The following RPAP2 variants were observed in gnomAD, a reference collection of about 807,000 sequenced individuals.
RPAP2 encodes the protein putative RNA polymerase II subunit B1 CTD phosphatase RPAP2.
Under a neutral mutation model 73.1 loss-of-function variants are expected in RPAP2, and 52 were observed. That is an observed-to-expected ratio of 0.71 (90% CI 0.57 to 0.90). The LOEUF (loss-of-function observed/expected upper bound fraction) is 0.90. RPAP2 is among the 40% of genes least tolerant of loss of function. The pLI, the probability that RPAP2 is intolerant of heterozygous loss-of-function variation, is 0.00. For missense variants in RPAP2, 598 were observed against 701.8 expected, an observed-to-expected ratio of 0.85 and a Z score of 1.67; for synonymous variants, 225 against 242.1, an observed-to-expected ratio of 0.93 and a Z score of 0.65.
chr1:92,343,277 AT>A (rs1395349411), intron 10 of RPAP2, among the ~76,000 whole-genome samples: 1 of 152,156 alleles, frequency 6.6e-6, no homozygotes, highest in African/African-American at 2.4e-5. Context: ...TGTCCGTTGG[AT>A]TTGGCAGTAT....
In RPAP2 at chr1:92,326,710, G is replaced by A. The variant is rs536387520; in HGVS notation, c.1455+2335G>A. Among the ~76,000 whole-genome samples the A allele has an allele frequency of 7.7e-4, 118 of 152,338 alleles. 1 individual carries two copies. Among genetic ancestry groups the A allele is most frequent in the African/African-American group, 2.3e-3 (96 of 41,582 alleles). The stretch of plus-strand genomic sequence containing the variant: ...GGAAGATTATGGCTGCCTCTGCTGT[G>A]TCATGCAGGTTGTCAGGGAAGTGGG... On this transcript the variant is annotated intron_variant, in intron 8 of 12. Transcript: ENST00000610020.
Position 92,391,811 on chromosome 1 carries a change from C to T in RPAP2, c.*4800C>T, listed in dbSNP as rs1341943002. The T allele has an allele frequency of 6.6e-6, 1 of 152,146 alleles. No individual in the cohort carries two copies. Among genetic ancestry groups the T allele is most frequent in the African/African-American group, 2.4e-5 (1 of 41,410 alleles). The allele number at this position is 152,146 out of a possible 1,614,324, so 9.4% of individuals were successfully genotyped here. A position where few individuals can be genotyped will look rare whatever the true frequency, so the allele number is the denominator to read the frequency against. ...AAATGGATAAATTCCTCGACACATA[C>T]ACCCTCCCAAGACTAAACCAGGAAG... On this transcript the variant is annotated 3_prime_UTR_variant, in exon 13 of 13. Transcript: ENST00000610020.
At chr1:92,369,399 A>G (rs547126932) in intron 11 of RPAP2, among the ~76,000 whole-genome samples, 1 of 152,268 alleles carries the variant, frequency 6.6e-6, no homozygotes, top group Non-Finnish European at 1.5e-5. Context: ...TCAAGTTTAC[A>G]AGTTGTGGGA....
intron 11 of RPAP2, among the ~76,000 whole-genome samples, chr1:92,352,441 G>C (rs1654267163): frequency 3.6e-5 from 2 of 55,756 alleles, no homozygotes; most frequent in African/African-American, 2.2e-4. Context: ...TTTTGCCTCA[G>C]CAGGCTGTTT....
intron 11 of RPAP2, among the ~76,000 whole-genome samples, chr1:92,373,862 T>G (rs1018010945): frequency 4.0e-5 from 6 of 149,190 alleles, no homozygotes; most frequent in Non-Finnish European, 8.9e-5. Context: ...GAGGTTGCAG[T>G]GAGCAGAGAT....
chr1:92,366,833 G>C (rs1308706409), intron 11 of RPAP2, among the ~76,000 whole-genome samples: 1 of 151,988 alleles, frequency 6.6e-6, no homozygotes, highest in African/African-American at 2.4e-5. Context: ...TCTGGAAATA[G>C]GTGACATTTT....
chr1:92,383,987 G>C (rs993050538), intron 12 of RPAP2, among the ~76,000 whole-genome samples: 1 of 148,200 alleles, frequency 6.7e-6, no homozygotes, highest in African/African-American at 2.5e-5. Context: ...TTGAGACGGA[G>C]TCTCGCTCTG....
intron 9 of RPAP2, among the ~76,000 whole-genome samples, chr1:92,334,767 A>G (rs1485598296): frequency 3.9e-5 from 6 of 152,110 alleles, no homozygotes; most frequent in Non-Finnish European, 8.8e-5. Context: ...CAGGCAGATC[A>G]CAAGGTCAGG....
At chr1:92,363,336 C>T (rs925970905) in intron 11 of RPAP2, among the ~76,000 whole-genome samples, 2 of 152,194 alleles carry the variant, frequency 1.3e-5, no homozygotes, top group East Asian at 1.9e-4. Flanking sequence ...TGGAACAGGG[C>T]AGGTCTCAGA....
rs528470646 is a variant in RPAP2 at position 92,374,890 on chromosome 1, C to T, written c.1689-5834C>T. 2.6e-5 allele frequency among the ~76,000 whole-genome samples: 4 copies of T among 152,050 alleles called. No individual in the cohort carries two copies. The South Asian group carries it at 8.3e-4, about 32-fold the overall frequency. ...GTATACTGCTTGGGTGATGGGTGCACCAGAATCTCAGAAATCGCCTCTAAA... is the reference window on the plus strand; with the variant it reads ...GTATACTGCTTGGGTGATGGGTGCATCAGAATCTCAGAAATCGCCTCTAAA... On this transcript the variant is annotated intron_variant, in intron 11 of 12. Coordinates refer to ENST00000610020, the MANE Select transcript of RPAP2 (RefSeq NM_024813.3).
In RPAP2 at chr1:92,343,655, C is replaced by T. The variant is rs536662279; in HGVS notation, c.1620-2191C>T. On this transcript the variant is annotated intron_variant, in intron 10 of 12. Transcript: ENST00000610020. ...AAAGTATTAATTGAATGCCTACTGA[C>T]GGCCAGCCACTTGTTCTGTAAACTT... is the stretch of plus-strand genomic sequence containing the variant. 6.6e-5 allele frequency among the ~76,000 whole-genome samples: 10 copies of T among 152,226 alleles called. No individual in the cohort carries two copies. In the South Asian group the frequency reaches 1.7e-3, roughly 25 times the overall value.
chr1:92,314,258 A>G (rs533728253), intron 6 of RPAP2, among the ~76,000 whole-genome samples: 1 of 152,154 alleles, frequency 6.6e-6, no homozygotes, highest in African/African-American at 2.4e-5. Flanking sequence ...AAAGTGAAAG[A>G]AAGTGTGACT....
chr1:92,346,235 C>T (rs913273197), intron 11 of RPAP2, among the ~76,000 whole-genome samples: 10 of 151,464 alleles, frequency 6.6e-5, no homozygotes, highest in African/African-American at 2.4e-4. Flanking sequence ...GTGATGTCAG[C>T]TCACTGCCAC....
chr1:92,361,112 C>A (rs1654712644), intron 11 of RPAP2, among the ~76,000 whole-genome samples: 1 of 60,496 alleles, frequency 1.7e-5, no homozygotes, highest in Admixed American at 2.1e-4. Context: ...TACACACACA[C>A]ACACATATAT....
At chr1:92,380,494 CAT>C (rs1340307403) in intron 11 of RPAP2, among the ~76,000 whole-genome samples, 2 of 152,122 alleles carry the variant, frequency 1.3e-5, no homozygotes, top group African/African-American at 2.4e-5. Context: ...GAAGAACAAA[CAT>C]ATTATAGATT....
chr1:92,326,838 T>A (rs188846281), intron 8 of RPAP2, among the ~76,000 whole-genome samples: 209 of 152,312 alleles, frequency 1.4e-3, no homozygotes, highest in Non-Finnish European at 2.1e-3. Flanking sequence ...TTACAGGCAG[T>A]GGGCAGGAAG....
At chr1:92,309,505 G>T (rs1354991824) in intron 6 of RPAP2, among the ~76,000 whole-genome samples, 1 of 151,222 alleles carries the variant, frequency 6.6e-6, no homozygotes, top group African/African-American at 2.4e-5. Context: ...CATTTAAATT[G>T]TGCAGTAAGT....
rs887878643 is a variant in RPAP2, at chr1:92,398,155, A to G, written c.*11144A>G. On this transcript the variant is annotated 3_prime_UTR_variant, in exon 13 of 13. Coordinates refer to ENST00000610020, the MANE Select transcript of RPAP2 (RefSeq NM_024813.3). Reference sequence around the variant, plus strand: ...ATAGAGTGAGACTGTCTCAAAAAATAAAATTTTAAAATAACTGAAGAGTAT... The same window carrying G: ...ATAGAGTGAGACTGTCTCAAAAAATGAAATTTTAAAATAACTGAAGAGTAT... The G allele has an allele frequency of 6.6e-6, 1 of 152,200 alleles. No individual in the cohort carries two copies. Among genetic ancestry groups the G allele is most frequent in the Non-Finnish European group, 1.5e-5 (1 of 68,048 alleles). The allele number at this position is 152,200 out of a possible 1,614,324, so 9.4% of individuals were successfully genotyped here.
intron 11 of RPAP2, among the ~76,000 whole-genome samples, chr1:92,377,516 CAAAAAAAAAAA>C (rs530908177): frequency 2.5e-4 from 19 of 76,588 alleles, no homozygotes; most frequent in South Asian, 1.5e-3. Context: ...AACTTTGTCT[CAAAAAAAAAAA>C]AAAAAAAAAA....
Sources: gnomAD v4.1 joint callset for allele counts (sites outside exome capture counted in the v4.1 genomes callset) on GRCh38, gnomAD v4.1.1 for gene constraint, MANE v1.5 for transcripts, NCBI Gene and HGNC (gene_info 2026-07-23, HGNC 2026-07-21) for gene names.